The following SORCS1 variants were observed in gnomAD, a reference collection of about 807,000 sequenced individuals.
The protein encoded by SORCS1 is sortilin related VPS10 domain containing receptor 1, also known as VPS10 domain-containing receptor SorCS1.
SORCS1 carries 60 observed loss-of-function variants against 146.1 expected under a neutral mutation model. That is an observed-to-expected ratio of 0.41 (90% confidence interval 0.33 to 0.51). The LOEUF (loss-of-function observed/expected upper bound fraction) is 0.51. Ranked by LOEUF, SORCS1 falls within the 20% of genes least tolerant of loss-of-function variation. The pLI, the probability that SORCS1 is intolerant of heterozygous loss-of-function variation, is 0.21. For missense variants in SORCS1, 1,352 were observed against 1,487.6 expected (o/e 0.91, Z 1.50); for synonymous variants, 637 against 584.0 (o/e 1.09, Z -1.31).
In SORCS1 at chr10:107,041,495, G is replaced by T. The variant is rs1484568578; in HGVS notation, c.559-84915C>A. Among the ~76,000 whole-genome samples, 3 of 152,096 alleles carry T rather than the reference G, an allele frequency of 2.0e-5. No individual in the cohort carries two copies. In the East Asian group the frequency reaches 5.8e-4, roughly 29 times the overall value. The stretch of plus-strand genomic sequence containing the variant: ...AGGGGGCCTGAAGCTAGGTCTATCA[G>T]CTTGACATTTTAGTTACAGGAGCAA... On this transcript the variant is annotated intron_variant, in intron 1 of 25. Coordinates refer to ENST00000263054, the MANE Select transcript of SORCS1 (RefSeq NM_052918.5).
chr10:106,729,075 G>A (rs77605417), intron 6 of SORCS1, among the ~76,000 whole-genome samples: 2 of 152,184 alleles, frequency 1.3e-5, no homozygotes, highest in Non-Finnish European at 2.9e-5. Flanking sequence ...CTCTGTACCA[G>A]AGAAGGGGAA....
chr10:107,009,568 T>C (rs1168500446), intron 1 of SORCS1, among the ~76,000 whole-genome samples: 1 of 152,212 alleles, frequency 6.6e-6, no homozygotes, highest in Non-Finnish European at 1.5e-5. Context: ...TTTAGGACTA[T>C]GGATAAAATA....
intron 3 of SORCS1, among the ~76,000 whole-genome samples, chr10:106,781,997 A>G (rs535824626): frequency 6.6e-6 from 1 of 152,344 alleles, no homozygotes; most frequent in Admixed American, 6.5e-5. Context: ...AAATGACACA[A>G]CCAATTTTCC....
At chr10:107,028,592 T>C (rs1314873125) in intron 1 of SORCS1, among the ~76,000 whole-genome samples, 2 of 152,218 alleles carry the variant, frequency 1.3e-5, no homozygotes, top group Non-Finnish European at 2.9e-5. Flanking sequence ...CGGTTCTCTT[T>C]AGAGAGATTA....
intron 5 of SORCS1, among the ~76,000 whole-genome samples, chr10:106,757,781 G>C (rs1357978383): frequency 6.6e-6 from 1 of 152,232 alleles, no homozygotes; most frequent in Non-Finnish European, 1.5e-5. Flanking sequence ...CTAAGAGGCA[G>C]AGACAAGAGC....
chr10:107,028,067 C>T (rs900645163), intron 1 of SORCS1, among the ~76,000 whole-genome samples: 8 of 152,208 alleles, frequency 5.3e-5, no homozygotes, highest in African/African-American at 1.7e-4. Context: ...AAATTTGCTT[C>T]TCTTCTTGTC....
chr10:106,744,763 G>A (rs1857598391), intron 5 of SORCS1, among the ~76,000 whole-genome samples: 1 of 152,136 alleles, frequency 6.6e-6, no homozygotes, highest in African/African-American at 2.4e-5. Context: ...AGACAGAGGA[G>A]AGACAGGAAA....
intron 2 of SORCS1, among the ~76,000 whole-genome samples, chr10:106,910,283 T>TTGTGTGTGTG (rs141789814): frequency 0.023 from 3,289 of 146,078 alleles, 129 homozygotes; most frequent in African/African-American, 0.078. Flanking sequence ...TCTCTTTACA[T>TTGTGTGTGTG]TGTGTGTGTG....
chr10:106,598,971 T>C (rs1396740720), intron 23 of SORCS1, among the ~76,000 whole-genome samples: 2 of 152,156 alleles, frequency 1.3e-5, no homozygotes, highest in Non-Finnish European at 2.9e-5. Context: ...TAGCAAACAA[T>C]GCAGAAAAAC....
chr10:107,068,415 A>C (rs1962107120), intron 1 of SORCS1, among the ~76,000 whole-genome samples: 1 of 152,196 alleles, frequency 6.6e-6, no homozygotes, highest in African/African-American at 2.4e-5. Flanking sequence ...GCCTTATACC[A>C]GTTAAACCTT....
intron 16 of SORCS1, among the ~76,000 whole-genome samples, chr10:106,669,865 A>G (rs970407294): frequency 6.6e-6 from 1 of 152,188 alleles, no homozygotes; most frequent in Non-Finnish European, 1.5e-5. Context: ...AGACCTTCTT[A>G]GTACTATTTA....
At chr10:106,903,914 G>A (rs1951816073) in intron 2 of SORCS1, among the ~76,000 whole-genome samples, 1 of 152,138 alleles carries the variant, frequency 6.6e-6, no homozygotes, top group Non-Finnish European at 1.5e-5. Context: ...ATGATGGGTT[G>A]CATCATTACC....
chr10:106,912,141 CA>C (rs1193871541), intron 2 of SORCS1, among the ~76,000 whole-genome samples: 1 of 148,008 alleles, frequency 6.8e-6, no homozygotes, highest in Admixed American at 6.7e-5. Context: ...AACAAACAAA[CA>C]AAAAAAGGCT....
At chr10:106,919,640 C>T (rs1045238606) in intron 2 of SORCS1, among the ~76,000 whole-genome samples, 3 of 152,144 alleles carry the variant, frequency 2.0e-5, no homozygotes, top group East Asian at 1.9e-4. Context: ...AGATGCCTAA[C>T]GGTACTACAT....
At position 106,607,247 on chromosome 10, in the gene SORCS1, T is replaced by G. The variant is rs773861818; in HGVS notation, c.3084A>C (p.Leu1028Phe). The G allele has an allele frequency of 1.2e-6, 2 of 1,614,046 alleles. No homozygotes were observed. The highest frequency in any genetic ancestry group is 1.7e-6 in the Non-Finnish European group (2 of 1,179,972). The change falls in exon 23 of 26, where the codon TTA (leucine) becomes TTC (phenylalanine). Residue 1028 changes from leucine (L) to phenylalanine (F), a missense_variant. This residue lies in a region of SORCS1 where 214 missense variants were observed against 204.8 expected (regional missense o/e 1.05). Coordinates refer to ENST00000263054, the MANE Select transcript of SORCS1 (RefSeq NM_052918.5). ...QHILVAVLPG[L>F]PTTAELFVLP... ...GGACAAAGAGTTCAGCAGTGGTGGG[T>G]AAGCCAGGGAGCACCGCCACCAGGA... is the stretch of plus-strand genomic sequence containing the variant.
chr10:106,944,871 C>CTTTTTTTTTTTTTTTTTTTTTTTTTTTTT (rs1564838013), intron 2 of SORCS1, among the ~76,000 whole-genome samples: 1 of 61,024 alleles, frequency 1.6e-5, no homozygotes. Context: ...AAGAAAGAGC[C>CTTTTTTTTTTTTTTTTTTTTTTTTTTTTT]TTCTTTTTTT....
At chr10:106,648,126 T>C (rs1332101411) in intron 18 of SORCS1, among the ~76,000 whole-genome samples, 1 of 152,186 alleles carries the variant, frequency 6.6e-6, no homozygotes, top group East Asian at 1.9e-4. Context: ...CCTCCCAAAA[T>C]GTTGGGATCC....
At chr10:107,013,991 C>A (rs1427163778) in intron 1 of SORCS1, among the ~76,000 whole-genome samples, 1 of 152,138 alleles carries the variant, frequency 6.6e-6, no homozygotes, top group Non-Finnish European at 1.5e-5. Flanking sequence ...GGCACAGTGG[C>A]TCATGCCTGT....
intron 1 of SORCS1, among the ~76,000 whole-genome samples, chr10:107,009,350 A>T (rs1957591924): frequency 6.6e-6 from 1 of 152,240 alleles, no homozygotes; most frequent in African/African-American, 2.4e-5. Context: ...TATACTGTTC[A>T]CAAATCACAG....
Sources: allele counts gnomAD v4.1 joint callset (sites outside exome capture counted in the v4.1 genomes callset), GRCh38; gene constraint gnomAD v4.1.1; regional missense constraint gnomAD v4.1.1; transcripts MANE v1.5; gene names NCBI Gene and HGNC (gene_info 2026-07-23, HGNC 2026-07-21).